Variants in MIAT observed in about 807,000 individuals in gnomAD.
MIAT encodes MI related novel mRNA.
chr22:26,665,846 A>C (rs773452055), exon 4 of MIAT: 6 of 398,538 alleles, frequency 1.5e-5, no homozygotes, highest in Non-Finnish European at 2.7e-5. Flanking sequence ...AGTATTTCAC[A>C]AACATTACCG....
chr22:26,672,686 G>T, downstream of MIAT: 1 of 399,134 alleles, frequency 2.5e-6, no homozygotes, highest in Non-Finnish European at 4.4e-6. Context: ...CACGAGGAAG[G>T]CAGGAGGGGG....
chr22:26,658,474 G>A (rs1354727691), intron 2 of MIAT: 7 of 152,260 alleles, frequency 4.6e-5, no homozygotes, highest in African/African-American at 1.7e-4. Context: ...TCTCCTAAAG[G>A]GTCTGAGGAG....
intron 2 of MIAT, among the ~76,000 whole-genome samples, chr22:26,660,354 G>A (rs954844690): frequency 1.1e-4 from 16 of 151,068 alleles, no homozygotes; most frequent in African/African-American, 3.9e-4. Context: ...CTATAGCCCA[G>A]CTACTCTGGA....
chr22:26,673,332 TTTGGGCTAATCTCTGGCTCCC>T (rs1357597756), downstream of MIAT: 2 of 398,860 alleles, frequency 5.0e-6, no homozygotes, highest in Non-Finnish European at 8.8e-6. Context: ...CCTTGGTTTC[TTTGGGCTAATCTCTGGCTCCC>T]TTGCGCTAAC....
downstream of MIAT, chr22:26,672,454 A>G (rs562533361): frequency 1.5e-5 from 6 of 399,442 alleles, no homozygotes; most frequent in Admixed American, 2.6e-4. Context: ...GACTCTGAGT[A>G]TGACATCTCT....
At chr22:26,666,473 G>A (rs1289064100) in exon 4 of MIAT, 1 of 398,542 alleles carries the variant, frequency 2.5e-6, no homozygotes, top group African/African-American at 2.1e-5. Context: ...TGCACCTTGA[G>A]TGAATGTCAA....
At chr22:26,672,943 G>A (rs1931108042), downstream of MIAT, 1 of 398,616 alleles carries the variant, frequency 2.5e-6, no homozygotes, top group Non-Finnish European at 4.4e-6. Context: ...CAGCTAGAGA[G>A]CCGTCTCCCC....
chr22:26,675,442 A>G, exon 5 of MIAT: 3 of 398,630 alleles, frequency 7.5e-6, no homozygotes, highest in Non-Finnish European at 1.3e-5. Flanking sequence ...TAGGCTGGCC[A>G]TTTGGCTTTT....
downstream of MIAT, chr22:26,673,012 G>A (rs1931112276): frequency 2.5e-6 from 1 of 398,634 alleles, no homozygotes; most frequent in South Asian, 1.3e-4. Flanking sequence ...GGCCGTGACC[G>A]GAAGTCCTTG....
At chr22:26,663,602 C>T (rs1189039617) in intron 3 of MIAT, 1 of 384,726 alleles carries the variant, frequency 2.6e-6, no homozygotes, top group African/African-American at 2.1e-5. Flanking sequence ...TCTGTGTGGC[C>T]TAGTGAAAGC....
At chr22:26,675,774 C>G (rs1043032307) in exon 5 of MIAT, 1 of 398,638 alleles carries the variant, frequency 2.5e-6, no homozygotes, top group Admixed American at 4.4e-5. Flanking sequence ...GCCCATTTGT[C>G]ATGCATGGCT....
intron 2 of MIAT, among the ~76,000 whole-genome samples, chr22:26,647,688 G>A (rs1002729473): frequency 3.3e-5 from 5 of 152,146 alleles, no homozygotes; most frequent in African/African-American, 1.2e-4. Context: ...GACCAGAGGG[G>A]CTGCGAGCAG....
intron 2 of MIAT, among the ~76,000 whole-genome samples, chr22:26,657,860 C>T (rs770326057): frequency 2.6e-5 from 4 of 152,180 alleles, no homozygotes; most frequent in Non-Finnish European, 5.9e-5. Flanking sequence ...AGCCAAGACT[C>T]TGGCTGGGAT....
chr22:26,655,707 T>C (rs1243212591), intron 2 of MIAT, among the ~76,000 whole-genome samples: 1 of 152,242 alleles, frequency 6.6e-6, no homozygotes, highest in Non-Finnish European at 1.5e-5. Context: ...GCTGGAATGT[T>C]CTAGCACAGT....
chr22:26,672,786 G>C (rs920186229), downstream of MIAT: 1 of 398,718 alleles, frequency 2.5e-6, no homozygotes, highest in Non-Finnish European at 4.4e-6. Context: ...TCAATGAAGC[G>C]GGTCTTTCCT....
At chr22:26,664,005 CTTTTTTTTTTTTT>C (rs202155948) in intron 3 of MIAT, among the ~76,000 whole-genome samples, 298 of 116,214 alleles carry the variant, frequency 2.6e-3, no homozygotes, top group Non-Finnish European at 3.6e-3. Flanking sequence ...CTGTGTTCAG[CTTTTTTTTTTTTT>C]TTTTTTTTTT....
At chr22:26,656,389 A>G (rs1930454523) in intron 2 of MIAT, among the ~76,000 whole-genome samples, 1 of 146,996 alleles carries the variant, frequency 6.8e-6, no homozygotes, top group South Asian at 2.1e-4. Context: ...CAGTGGCGCG[A>G]CCTCGGCTCA....
intron 2 of MIAT, among the ~76,000 whole-genome samples, chr22:26,663,006 T>A (rs574362703): frequency 6.6e-6 from 1 of 152,310 alleles, no homozygotes; most frequent in Non-Finnish European, 1.5e-5. Flanking sequence ...GTGGGCACTG[T>A]TATTATCCTT....
downstream of MIAT, chr22:26,674,126 A>G (rs967138348): frequency 7.5e-6 from 3 of 398,648 alleles, no homozygotes; most frequent in Non-Finnish European, 1.3e-5. Flanking sequence ...ATAAAGCTTT[A>G]GATCAGAGTA....
Sources: allele counts gnomAD v4.1 joint callset (sites outside exome capture counted in the v4.1 genomes callset), GRCh38; gene constraint gnomAD v4.1.1; transcripts MANE v1.5; gene names NCBI Gene and HGNC (gene_info 2026-07-23, HGNC 2026-07-21).